Variants in PDE4B observed in about 807,000 individuals in gnomAD.
The protein encoded by PDE4B is 3',5'-cyclic-AMP phosphodiesterase 4B.
PDE4B carries 20 observed loss-of-function variants against 82.2 expected under a neutral mutation model. That is an observed-to-expected ratio of 0.24 (90% CI 0.17 to 0.35). The LOEUF is 0.35. Among genes scored for constraint, PDE4B ranks in the 10% least tolerant of loss-of-function variants. PDE4B has a pLI of 1.00. For synonymous variants in PDE4B, 320 were observed against 318.9 expected, an observed-to-expected ratio of 1.00 and a Z score of -0.04; for missense variants, 655 against 907.2, an observed-to-expected ratio of 0.72 and a Z score of 3.57.
intron 3 of PDE4B, among the ~76,000 whole-genome samples, chr1:66,115,289 C>T (rs766905154): frequency 9.2e-5 from 14 of 152,280 alleles, no homozygotes; most frequent in South Asian, 2.1e-4. Context: ...CCCGTTTTCA[C>T]GACAGATAAA....
intron 3 of PDE4B, among the ~76,000 whole-genome samples, chr1:66,080,889 C>T (rs1048176021): frequency 2.6e-5 from 4 of 151,504 alleles, no homozygotes; most frequent in African/African-American, 9.7e-5. Flanking sequence ...AGTTTTTCAG[C>T]CCTTGCTCCT....
chr1:66,018,823 G>A (rs1328942933), intron 3 of PDE4B, among the ~76,000 whole-genome samples: 1 of 152,148 alleles, frequency 6.6e-6, no homozygotes, highest in East Asian at 1.9e-4. Context: ...TAAAGAATGT[G>A]TTAAGGCAGA....
intron 3 of PDE4B, among the ~76,000 whole-genome samples, chr1:65,984,592 T>C (rs1298618979): frequency 6.6e-6 from 1 of 152,032 alleles, no homozygotes; most frequent in African/African-American, 2.4e-5. Flanking sequence ...CCATCTCTAA[T>C]AAAAATAGAA....
At chr1:65,862,149 A>G (rs1252193013) in intron 1 of PDE4B, among the ~76,000 whole-genome samples, 1 of 152,144 alleles carries the variant, frequency 6.6e-6, no homozygotes, top group Non-Finnish European at 1.5e-5. Context: ...GAATGCTTCC[A>G]TCTTTTGCCC....
At chr1:66,085,503 C>T (rs1656959084) in intron 3 of PDE4B, among the ~76,000 whole-genome samples, 1 of 152,086 alleles carries the variant, frequency 6.6e-6, no homozygotes. Context: ...AGAAGGTGCA[C>T]ATTTAATGAA....
chr1:66,130,709 C>A (rs1160583925), intron 3 of PDE4B, among the ~76,000 whole-genome samples: 1 of 152,182 alleles, frequency 6.6e-6, no homozygotes, highest in Admixed American at 6.5e-5. Flanking sequence ...GAACTATACT[C>A]AATTTTGAAC....
chr1:66,291,209 A>G (rs570258214), intron 7 of PDE4B, among the ~76,000 whole-genome samples: 1 of 152,168 alleles, frequency 6.6e-6, no homozygotes, highest in Admixed American at 6.6e-5. Flanking sequence ...AAAACAAACC[A>G]GTGAGATAGG....
intron 3 of PDE4B, among the ~76,000 whole-genome samples, chr1:66,188,394 A>G (rs1018115255): frequency 1.3e-5 from 2 of 151,530 alleles, no homozygotes; most frequent in African/African-American, 4.8e-5. Context: ...TATCCTTGTT[A>G]ACTTTCTGTC....
At chr1:66,113,328 A>G (rs1645527012) in intron 3 of PDE4B, among the ~76,000 whole-genome samples, 1 of 152,196 alleles carries the variant, frequency 6.6e-6, no homozygotes, top group Admixed American at 6.6e-5. Flanking sequence ...ATCAATTTAC[A>G]TTATTTTGCA....
intron 7 of PDE4B, among the ~76,000 whole-genome samples, chr1:66,290,125 A>G (rs1656962022): frequency 6.6e-6 from 1 of 152,178 alleles, no homozygotes; most frequent in South Asian, 2.1e-4. Flanking sequence ...TGTAGCCAAG[A>G]AGAGATATCA....
chr1:66,192,680 G>A (rs1647928650), intron 3 of PDE4B, among the ~76,000 whole-genome samples: 1 of 152,082 alleles, frequency 6.6e-6, no homozygotes, highest in South Asian at 2.1e-4. Context: ...TGGTTTCGGG[G>A]AAAACTTTTA....
chr1:65,878,280 G>C (rs1387214186), intron 1 of PDE4B, among the ~76,000 whole-genome samples: 1 of 152,218 alleles, frequency 6.6e-6, no homozygotes, highest in Non-Finnish European at 1.5e-5. Flanking sequence ...TACATTGTTG[G>C]AGGGAGTGTA....
At chr1:65,967,533 G>A (rs1649901793) in intron 3 of PDE4B, among the ~76,000 whole-genome samples, 1 of 151,538 alleles carries the variant, frequency 6.6e-6, no homozygotes, top group Admixed American at 6.6e-5. Context: ...ATACCCAAAG[G>A]ATTATAAATC....
At chr1:66,348,801 T>C (rs1300383510) in intron 8 of PDE4B, among the ~76,000 whole-genome samples, 10 of 151,776 alleles carry the variant, frequency 6.6e-5, no homozygotes, top group Non-Finnish European at 1.5e-4. Context: ...ATATTATATA[T>C]ATAGTTTAAA....
chr1:65,921,410 A>G (rs1480219978), intron 3 of PDE4B, among the ~76,000 whole-genome samples: 1 of 152,148 alleles, frequency 6.6e-6, no homozygotes, highest in African/African-American at 2.4e-5. Flanking sequence ...AATTATCATC[A>G]ATGCCATCAA....
intron 3 of PDE4B, among the ~76,000 whole-genome samples, chr1:66,222,450 C>G (rs1311620951): frequency 6.6e-6 from 1 of 152,164 alleles, no homozygotes; most frequent in African/African-American, 2.4e-5. Flanking sequence ...TAATAAGCAC[C>G]TAGTAAAAGT....
intron 7 of PDE4B, among the ~76,000 whole-genome samples, chr1:66,276,483 A>G (rs142562855): frequency 1.2e-4 from 19 of 152,356 alleles, no homozygotes; most frequent in African/African-American, 4.1e-4. Context: ...GGAAAATGTC[A>G]TAGCAAGAAA....
intron 16 of PDE4B, 70 bp downstream of exon 16, chr1:66,369,039 T>C: frequency 8.6e-7 from 1 of 1,163,938 alleles, no homozygotes; most frequent in Non-Finnish European, 1.2e-6. Flanking sequence ...TTCTATTTAA[T>C]TCCGTTTTTC....
intron 3 of PDE4B, among the ~76,000 whole-genome samples, chr1:66,202,152 C>T (rs200388302): frequency 5.0e-3 from 697 of 138,382 alleles, no homozygotes; most frequent in East Asian, 0.033. Context: ...TGTAGTTGAG[C>T]AGTTTTGAGT....
Sources: gnomAD v4.1 joint callset for allele counts (sites outside exome capture counted in the v4.1 genomes callset) on GRCh38, gnomAD v4.1.1 for gene constraint, MANE v1.5 for transcripts, NCBI Gene and HGNC (gene_info 2026-07-23, HGNC 2026-07-21) for gene names.